The following TCERG1L variants were observed in gnomAD, a reference collection of about 807,000 sequenced individuals.
TCERG1L encodes the protein transcription elongation regulator 1 like.
A neutral mutation model predicts 56.3 loss-of-function variants in TCERG1L; 37 were observed. The ratio of observed to expected loss-of-function variants is 0.66; its 90% CI spans 0.51 to 0.87. The LOEUF (loss-of-function observed/expected upper bound fraction) is 0.87, where lower values mean the gene tolerates loss of function less well. Among genes scored for constraint, TCERG1L ranks in the 40% least tolerant of loss-of-function variants. TCERG1L has a pLI of 0.00. For missense variants in TCERG1L, 799 were observed against 774.2 expected, an observed-to-expected ratio of 1.03 and a Z score of -0.38; for synonymous variants, 324 against 326.3, an observed-to-expected ratio of 0.99 and a Z score of 0.08.
chr10:131,217,810 C>T (rs1362214424), intron 4 of TCERG1L, among the ~76,000 whole-genome samples: 5 of 147,816 alleles, frequency 3.4e-5, no homozygotes, highest in Non-Finnish European at 7.4e-5. Context: ...CAAGCTCTGC[C>T]TCCCAGGTTC....
chr10:131,093,160 ACT>A lies in TCERG1L; in HGVS notation c.1761_*1del. 6.2e-7 allele frequency: 1 copy of A among 1,611,140 alleles called. No individual in the cohort carries two copies. Among genetic ancestry groups the A allele is most frequent in the Non-Finnish European group, 8.5e-7 (1 of 1,178,686 alleles). ...CCGGGCTTATTGCATTTTTTCACAAACTCATCTCATTTTCCGCAGCCTTAGTC... is the reference window on the plus strand; with the variant it reads ...CCGGGCTTATTGCATTTTTTCACAAACATCTCATTTTCCGCAGCCTTAGTC... On this transcript the variant is annotated stop_lost and 3_prime_UTR_variant, in exon 12 of 12. Coordinates refer to ENST00000368642, the MANE Select transcript of TCERG1L (RefSeq NM_174937.4).
intron 4 of TCERG1L, among the ~76,000 whole-genome samples, chr10:131,172,126 A>G (rs559648771): frequency 1.0e-3 from 155 of 152,342 alleles, no homozygotes; most frequent in Non-Finnish European, 1.8e-3. Flanking sequence ...CCAAGTGTCA[A>G]CATGATATCT....
chr10:131,153,863 A>G (rs980211406), intron 6 of TCERG1L, among the ~76,000 whole-genome samples: 9 of 152,186 alleles, frequency 5.9e-5, no homozygotes, highest in Non-Finnish European at 1.2e-4. Context: ...ATTTATATCC[A>G]GGCCACAAAG....
At chr10:131,275,842 G>T (rs1846386771) in intron 3 of TCERG1L, among the ~76,000 whole-genome samples, 1 of 152,230 alleles carries the variant, frequency 6.6e-6, no homozygotes, top group South Asian at 2.1e-4. Context: ...GCAGATGGCA[G>T]TAGGCTCTCT....
In TCERG1L at chr10:131,103,327, C is replaced by A. The variant is rs550761012; in HGVS notation, c.1485+938G>T. 6.6e-6 allele frequency among the ~76,000 whole-genome samples: 1 copy of A among 152,160 alleles called. No homozygotes were observed. The highest frequency in any genetic ancestry group is 2.4e-5 in the African/African-American group (1 of 41,440). On this transcript the variant is annotated intron_variant, in intron 10 of 11. Transcript: ENST00000368642. The surrounding 1 kb of genome is among the most constrained non-coding windows in gnomAD (Gnocchi z 4.3). ...TTGGCTACAGAGATCCATAACAGGA[C>A]GAAGCCAGTCTGAGGAGGGACAGGC...
Position 131,137,996 on chromosome 10 carries a change from C to T in TCERG1L, c.1190-3548G>A, listed in dbSNP as rs930356501. ...TAACAATCATGCTAGAGGCTGAGTG[C>T]GATGGCTTATGTCTGTAATCCCAGC... On this transcript the variant is annotated intron_variant, in intron 7 of 11. Transcript: ENST00000368642. Among the ~76,000 whole-genome samples the T allele has an allele frequency of 4.5e-4, 68 of 152,260 alleles. 2 individuals carry two copies. Among genetic ancestry groups the T allele is most frequent in the Admixed American group, 4.4e-3 (67 of 15,294 alleles).
At chr10:131,173,866 T>G (rs74160863) in intron 4 of TCERG1L, among the ~76,000 whole-genome samples, 1,590 of 152,198 alleles carry the variant, frequency 0.01, 34 homozygotes, top group African/African-American at 0.037. Flanking sequence ...ATCCCGCTGG[T>G]GAGGAGCTGG....
chr10:131,165,969 C>T (rs1005493819), intron 5 of TCERG1L, among the ~76,000 whole-genome samples: 1 of 152,206 alleles, frequency 6.6e-6, no homozygotes, highest in Non-Finnish European at 1.5e-5. Context: ...ATATGTCATT[C>T]TGGCCTGGAT....
At chr10:131,097,951 A>G (rs1350522123) in intron 11 of TCERG1L, among the ~76,000 whole-genome samples, 1 of 152,320 alleles carries the variant, frequency 6.6e-6, no homozygotes, top group African/African-American at 2.4e-5. Context: ...CTTGATCATT[A>G]GATCAGAAAC....
intron 4 of TCERG1L, among the ~76,000 whole-genome samples, chr10:131,225,067 C>G (rs527364057): frequency 6.6e-6 from 1 of 152,116 alleles, no homozygotes; most frequent in Non-Finnish European, 1.5e-5. Context: ...AGTATTGTCT[C>G]GTTTTGCAGA....
chr10:131,098,556 T>A, intron 10 of TCERG1L, 132 bp from the exon 11 acceptor site: 3 of 1,177,870 alleles, frequency 2.5e-6, no homozygotes, highest in Non-Finnish European at 3.5e-6. Flanking sequence ...GCTGCTGGAG[T>A]TATGAGCAAC....
chr10:131,224,545 A>G (rs1278180553), intron 4 of TCERG1L, among the ~76,000 whole-genome samples: 1 of 152,214 alleles, frequency 6.6e-6, no homozygotes, highest in Non-Finnish European at 1.5e-5. Context: ...TCTGATTGAC[A>G]GCGAGATGTC....
At chr10:131,220,224 C>T (rs1443992405) in intron 4 of TCERG1L, among the ~76,000 whole-genome samples, 1 of 152,190 alleles carries the variant, frequency 6.6e-6, no homozygotes, top group Non-Finnish European at 1.5e-5. Context: ...TTGCCCCCAA[C>T]AGCCTGGAAG....
At position 131,227,930 on chromosome 10, in the gene TCERG1L, C is replaced by A. The variant is rs552797486; in HGVS notation, c.856+32329G>T. Among the ~76,000 whole-genome samples, 18 of 152,262 alleles carry A rather than the reference C, an allele frequency of 1.2e-4. No individual in the cohort carries two copies. The East Asian group carries it at 3.5e-3, about 29-fold the overall frequency. Reference sequence around the variant, plus strand: ...TGTCGGGCTGTGCTCAGGCATCTTCCTGCTCCCTGGCTGAGTGCATTTCCG... The same window carrying A: ...TGTCGGGCTGTGCTCAGGCATCTTCATGCTCCCTGGCTGAGTGCATTTCCG... On this transcript the variant is annotated intron_variant, in intron 4 of 11. Coordinates refer to ENST00000368642, the MANE Select transcript of TCERG1L (RefSeq NM_174937.4).
At chr10:131,246,408 G>A (rs1846037897) in intron 4 of TCERG1L, among the ~76,000 whole-genome samples, 1 of 152,140 alleles carries the variant, frequency 6.6e-6, no homozygotes, top group African/African-American at 2.4e-5. Context: ...GGGGTCTGCT[G>A]GTCAGGCCAG....
intron 6 of TCERG1L, among the ~76,000 whole-genome samples, chr10:131,157,174 C>T (rs1015623057): frequency 1.3e-5 from 2 of 152,170 alleles, no homozygotes; most frequent in Non-Finnish European, 2.9e-5. Flanking sequence ...CAGAAAATGG[C>T]GCCTTCTGAC....
Position 131,308,337 on chromosome 10 carries a change from A to C in TCERG1L, c.544T>G (p.Ser182Ala). The C allele has an allele frequency of 6.2e-7, 1 of 1,613,946 alleles. No individual in the cohort carries two copies. The highest frequency in any genetic ancestry group is 8.5e-7 in the Non-Finnish European group (1 of 1,179,894). ...LDSTWIHPEESRFFHGHEKPR... is the reference protein window; with the variant it reads ...LDSTWIHPEEARFFHGHEKPR... Reference sequence around the variant, plus strand: ...TTTTCATGCCCATGGAAAAACCTTGACTCCTCAGGATGTATCCACGTTGAG... The same window carrying C: ...TTTTCATGCCCATGGAAAAACCTTGCCTCCTCAGGATGTATCCACGTTGAG... Residue 182 changes from serine (S) to alanine (A), a missense_variant, in exon 3 of 12, where the codon TCA (serine) becomes GCA (alanine). Ser to Ala is a moderately conservative substitution (Grantham distance 99). Coordinates refer to ENST00000368642, the MANE Select transcript of TCERG1L (RefSeq NM_174937.4).
chr10:131,303,650 C>A (rs1401827823), intron 3 of TCERG1L, among the ~76,000 whole-genome samples: 1 of 152,042 alleles, frequency 6.6e-6, no homozygotes, highest in African/African-American at 2.4e-5. Context: ...CACCTTCTCC[C>A]ACTGTTACGA....
At chr10:131,120,326 C>T (rs1845500470) in intron 8 of TCERG1L, among the ~76,000 whole-genome samples, 1 of 152,170 alleles carries the variant, frequency 6.6e-6, no homozygotes, top group Admixed American at 6.5e-5. Context: ...GCACTGCAAC[C>T]CCCGCCATGA....
Sources: gnomAD v4.1 joint callset for allele counts (sites outside exome capture counted in the v4.1 genomes callset) on GRCh38, gnomAD v4.1.1 for gene constraint, Gnocchi (gnomAD v3.1) non-coding constraint, MANE v1.5 for transcripts, NCBI Gene and HGNC (gene_info 2026-07-23, HGNC 2026-07-21) for gene names.